The following SPAG16 variants were observed in gnomAD, a reference collection of about 807,000 sequenced individuals.
SPAG16 encodes the protein sperm-associated antigen 16 protein.
SPAG16 carries 86 observed loss-of-function variants against 80.4 expected under a neutral mutation model. The ratio of observed to expected loss-of-function variants is 1.07; its 90% CI spans 0.90 to 1.28. SPAG16 has a LOEUF of 1.28. Ranked by LOEUF, SPAG16 falls within the 50% of genes most tolerant of loss-of-function variation. The probability of loss-of-function intolerance (pLI) is 0.00; values close to 1 mark genes in which losing one functional copy is unlikely to be tolerated. For synonymous variants in SPAG16, 294 were observed against 265.9 expected (o/e 1.11, Z -1.03); for missense variants, 870 against 765.3 (o/e 1.14, Z -1.61).
chr2:214,290,327 A>ATTTTG (rs1693702252), intron 15 of SPAG16, among the ~76,000 whole-genome samples: 1 of 151,654 alleles, frequency 6.6e-6, no homozygotes, highest in Non-Finnish European at 1.5e-5. Context: ...TTGGCCTGTA[A>ATTTTG]TTTTGTTTTG....
intron 15 of SPAG16, among the ~76,000 whole-genome samples, chr2:214,177,901 A>G (rs2057148605): frequency 1.2e-5 from 1 of 83,340 alleles, no homozygotes; most frequent in Non-Finnish European, 2.1e-5. Context: ...ATATATATAC[A>G]TATATATATA....
chr2:213,308,658 T>C (rs966697277), intron 3 of SPAG16, among the ~76,000 whole-genome samples: 1 of 152,134 alleles, frequency 6.6e-6, no homozygotes, highest in Admixed American at 6.6e-5. Context: ...TAGTTTGTAA[T>C]GATTTGATTG....
At chr2:214,114,919 T>C (rs962978399) in intron 14 of SPAG16, among the ~76,000 whole-genome samples, 5 of 152,204 alleles carry the variant, frequency 3.3e-5, no homozygotes, top group Admixed American at 1.3e-4. Flanking sequence ...ACTGGTGCTG[T>C]TCCTATTTGG....
intron 14 of SPAG16, among the ~76,000 whole-genome samples, chr2:214,112,440 G>A (rs1310607660): frequency 6.6e-6 from 1 of 152,102 alleles, no homozygotes; most frequent in Non-Finnish European, 1.5e-5. Context: ...TATTGTGTGG[G>A]AGTCTAAGTC....
At chr2:213,453,173 A>G (rs1018225025) in intron 9 of SPAG16, among the ~76,000 whole-genome samples, 6 of 152,210 alleles carry the variant, frequency 3.9e-5, no homozygotes, top group Non-Finnish European at 5.9e-5. Context: ...ACACTTATCA[A>G]TATCATTCTT....
At chr2:213,761,801 G>A (rs1351507045) in intron 10 of SPAG16, among the ~76,000 whole-genome samples, 2 of 152,228 alleles carry the variant, frequency 1.3e-5, no homozygotes, top group East Asian at 1.9e-4. Context: ...GGGAGGCAGA[G>A]GTTGCAGTGA....
At chr2:213,604,650 T>C (rs1316214674) in intron 10 of SPAG16, among the ~76,000 whole-genome samples, 4 of 152,122 alleles carry the variant, frequency 2.6e-5, no homozygotes, top group African/African-American at 7.2e-5. Context: ...ATATTATAGA[T>C]CTACATTATT....
chr2:213,336,716 G>A (rs1282132756), intron 5 of SPAG16, among the ~76,000 whole-genome samples: 1 of 152,194 alleles, frequency 6.6e-6, no homozygotes, highest in Non-Finnish European at 1.5e-5. Context: ...CTAGACAGGA[G>A]TTTATGAACA....
chr2:213,450,424 T>C (rs897071154), intron 9 of SPAG16, among the ~76,000 whole-genome samples: 3 of 152,258 alleles, frequency 2.0e-5, no homozygotes, highest in African/African-American at 2.4e-5. Flanking sequence ...TTAACTTGGC[T>C]ATATTGCGTA....
intron 15 of SPAG16, among the ~76,000 whole-genome samples, chr2:214,201,613 A>G (rs567752409): frequency 6.6e-6 from 1 of 152,208 alleles, no homozygotes; most frequent in Admixed American, 6.5e-5. Context: ...CTGGTGTGCT[A>G]CTGAGGTCAT....
chr2:213,383,537 G>T (rs1204889959), intron 9 of SPAG16, among the ~76,000 whole-genome samples: 1 of 152,176 alleles, frequency 6.6e-6, no homozygotes, highest in South Asian at 2.1e-4. Flanking sequence ...CTCCAATAGA[G>T]TGTGTGCCAC....
intron 10 of SPAG16, among the ~76,000 whole-genome samples, chr2:213,803,790 C>T (rs931607654): frequency 6.6e-6 from 1 of 152,122 alleles, no homozygotes; most frequent in African/African-American, 2.4e-5. Context: ...CAGGCTGGAG[C>T]ACGGTGGTGC....
intron 13 of SPAG16, among the ~76,000 whole-genome samples, chr2:214,091,170 T>C (rs2052172016): frequency 6.6e-6 from 1 of 152,108 alleles, no homozygotes; most frequent in Non-Finnish European, 1.5e-5. Context: ...AATTCTTCCA[T>C]TCCTTTTTCC....
intron 15 of SPAG16, among the ~76,000 whole-genome samples, chr2:214,250,755 T>TAGAGAG (rs1192976006): frequency 0.024 from 2,284 of 96,502 alleles, 28 homozygotes; most frequent in South Asian, 0.039. Flanking sequence ...TATATATATA[T>TAGAGAG]ATAGAGAGAG....
At chr2:214,001,047 A>G (rs1441215972) in intron 12 of SPAG16, among the ~76,000 whole-genome samples, 2 of 152,230 alleles carry the variant, frequency 1.3e-5, no homozygotes, top group Non-Finnish European at 2.9e-5. Flanking sequence ...TATGGAAAGG[A>G]AAACAGACAT....
chr2:213,559,138 C>T (rs753567960), intron 10 of SPAG16, among the ~76,000 whole-genome samples: 18 of 152,014 alleles, frequency 1.2e-4, no homozygotes, highest in African/African-American at 2.7e-4. Flanking sequence ...ATTCTTTTGA[C>T]GCAATAAGAA....
chr2:213,612,233 CAT>C (rs947051802), intron 10 of SPAG16, among the ~76,000 whole-genome samples: 32 of 152,120 alleles, frequency 2.1e-4, no homozygotes, highest in East Asian at 9.6e-4. Flanking sequence ...AATTAGCAAA[CAT>C]GTAGTAAAAC....
intron 11 of SPAG16, among the ~76,000 whole-genome samples, chr2:213,908,674 A>G (rs1444049538): frequency 2.0e-5 from 3 of 151,914 alleles, no homozygotes; most frequent in Non-Finnish European, 4.4e-5. Flanking sequence ...AAGGAAGAGT[A>G]TAGTATTTTG....
chr2:214,245,418 C>T (rs1450938442), intron 15 of SPAG16, among the ~76,000 whole-genome samples: 3 of 151,884 alleles, frequency 2.0e-5, no homozygotes, highest in Non-Finnish European at 4.4e-5. Context: ...CTTAATGATA[C>T]ATTTTTATAA....
Sources: allele counts gnomAD v4.1 joint callset (sites outside exome capture counted in the v4.1 genomes callset), GRCh38; gene constraint gnomAD v4.1.1; transcripts MANE v1.5; gene names NCBI Gene and HGNC (gene_info 2026-07-23, HGNC 2026-07-21).